Variants in DCDC1 observed in about 807,000 individuals in gnomAD.
DCDC1 encodes doublecortin domain-containing protein 1.
In DCDC1, 200 loss-of-function variants were observed where a neutral mutation model predicts 178.3. The ratio of observed to expected loss-of-function variants is 1.12; its 90% CI spans 1.00 to 1.26. The LOEUF is 1.26. Ranked by LOEUF, DCDC1 falls within the 50% of genes most tolerant of loss-of-function variation. The pLI, the probability that DCDC1 is intolerant of heterozygous loss-of-function variation, is 0.00. For synonymous variants in DCDC1, 690 were observed against 604.8 expected (o/e 1.14, Z -2.07); for missense variants, 1,983 against 1,749.2 (o/e 1.13, Z -2.38).
intron 18 of DCDC1, among the ~76,000 whole-genome samples, chr11:31,068,095 CAAAG>C (rs750422546): frequency 5.9e-5 from 9 of 151,784 alleles, no homozygotes; most frequent in Non-Finnish European, 1.2e-4. Flanking sequence ...TTTAAACCAG[CAAAG>C]AAAAAGAAGA....
chr11:31,077,448 T>G (rs1200330322), intron 18 of DCDC1, among the ~76,000 whole-genome samples: 1 of 152,154 alleles, frequency 6.6e-6, no homozygotes, highest in Non-Finnish European at 1.5e-5. Flanking sequence ...TATTAACATT[T>G]TATTAATTTA....
chr11:31,000,741 G>A (rs1951524579), intron 20 of DCDC1, among the ~76,000 whole-genome samples: 1 of 151,316 alleles, frequency 6.6e-6, no homozygotes, highest in Admixed American at 6.6e-5. Context: ...AAAAAAAAAA[G>A]CATGTCCAGG....
At chr11:31,236,289 C>T (rs1363666870) in intron 9 of DCDC1, among the ~76,000 whole-genome samples, 4 of 151,820 alleles carry the variant, frequency 2.6e-5, no homozygotes, top group South Asian at 2.1e-4. Flanking sequence ...TTGTCACAGT[C>T]GATCTCCACA....
intron 20 of DCDC1, among the ~76,000 whole-genome samples, chr11:31,036,295 C>T (rs1221686626): frequency 1.3e-5 from 2 of 152,160 alleles, no homozygotes; most frequent in Non-Finnish European, 2.9e-5. Flanking sequence ...AAACTGTTCA[C>T]CATATTCTGT....
intron 22 of DCDC1, among the ~76,000 whole-genome samples, chr11:30,926,021 T>C (rs184331602): frequency 4.6e-5 from 7 of 152,186 alleles, no homozygotes; most frequent in Admixed American, 2.6e-4. Context: ...CCTGTGGATA[T>C]TGAGATGATG....
intron 9 of DCDC1, among the ~76,000 whole-genome samples, chr11:31,209,070 T>C (rs1972196332): frequency 6.6e-6 from 1 of 152,182 alleles, no homozygotes; most frequent in Non-Finnish European, 1.5e-5. Flanking sequence ...AATAAATACA[T>C]GCCATTGAAC....
chr11:31,167,424 T>C (rs886726503), intron 9 of DCDC1, among the ~76,000 whole-genome samples: 65 of 152,300 alleles, frequency 4.3e-4, no homozygotes, highest in African/African-American at 1.5e-3. Flanking sequence ...AGTTCTTTTT[T>C]CCCTTGCCCT....
intron 17 of DCDC1, among the ~76,000 whole-genome samples, chr11:31,087,717 C>T (rs1448192087): frequency 4.6e-5 from 7 of 152,072 alleles, no homozygotes; most frequent in African/African-American, 1.7e-4. Flanking sequence ...TTTTCTTAAA[C>T]TTATTTAAAC....
chr11:31,073,875 T>A (rs1194835592), intron 18 of DCDC1, among the ~76,000 whole-genome samples: 1 of 152,150 alleles, frequency 6.6e-6, no homozygotes, highest in Non-Finnish European at 1.5e-5. Flanking sequence ...GAAGGAAATG[T>A]TATTATAACA....
chr11:31,245,462 G>T (rs1943487193), intron 8 of DCDC1, among the ~76,000 whole-genome samples: 1 of 151,638 alleles, frequency 6.6e-6, no homozygotes, highest in African/African-American at 2.4e-5. Flanking sequence ...AAAAAAATTT[G>T]ATCTGAATTT....
rs187851472 is a variant in DCDC1, at chr11:31,342,884, T to A, written c.-124-7320A>T. 4.3e-3 allele frequency among the ~76,000 whole-genome samples: 660 copies of A among 152,342 alleles called. 2 individuals carry two copies. The highest frequency in any genetic ancestry group is 7.7e-3 in the Non-Finnish European group (526 of 68,020). ...AAACAGAAATAGTTTTATTTTTTAC[T>A]TATGCACAATTATAATCCTAACTTT... On this transcript the variant is annotated intron_variant, in intron 1 of 38. Transcript: ENST00000684477.
intron 9 of DCDC1, among the ~76,000 whole-genome samples, chr11:31,170,300 C>T (rs1967050507): frequency 6.6e-6 from 1 of 152,016 alleles, no homozygotes; most frequent in Non-Finnish European, 1.5e-5. Context: ...AGTCAGTAGA[C>T]CGAAAAAAAG....
rs551645261 is a variant in DCDC1, at chr11:30,900,640, T to C, written c.4511-142A>G. 5.9e-5 allele frequency: 46 copies of C among 782,076 alleles called. No individual in the cohort carries two copies. The African/African-American group carries it at 7.5e-4, about 13-fold the overall frequency. The allele number at this position is 782,076 out of a possible 1,614,324, so 48.4% of individuals were successfully genotyped here. On this transcript the variant is annotated intron_variant, in intron 32 of 38. Transcript: ENST00000684477. ...AGGCAATGCCAAAATCAGAGACTAA[T>C]GCATAATTTTGGTCAGAAACTTCAT... is the stretch of plus-strand genomic sequence containing the variant.
chr11:31,047,449 A>G (rs1272728350), intron 20 of DCDC1, among the ~76,000 whole-genome samples: 2 of 152,172 alleles, frequency 1.3e-5, no homozygotes, highest in African/African-American at 4.8e-5. Context: ...TTTTCTGTTC[A>G]TTAGTTTTTT....
chr11:30,881,035 G>T, intron 37 of DCDC1, 123 bp downstream of exon 37: 1 of 1,113,948 alleles, frequency 9.0e-7, no homozygotes, highest in East Asian at 2.6e-5. Flanking sequence ...ATAACATGGA[G>T]TAGAAATGCT....
intron 16 of DCDC1, 75 bp downstream of exon 16, chr11:31,093,975 C>T (rs749787077): frequency 4.5e-5 from 33 of 727,746 alleles, no homozygotes; most frequent in Non-Finnish European, 8.1e-5. Flanking sequence ...TGCATGAGAG[C>T]ACCAGGTGCC....
intron 22 of DCDC1, among the ~76,000 whole-genome samples, chr11:30,927,622 A>T (rs1946667443): frequency 6.6e-6 from 1 of 152,158 alleles, no homozygotes; most frequent in African/African-American, 2.4e-5. Context: ...TCTTTCCAAT[A>T]TTCTATGTTG....
intron 20 of DCDC1, among the ~76,000 whole-genome samples, chr11:30,990,218 G>C (rs1341033062): frequency 5.3e-5 from 8 of 152,106 alleles, no homozygotes; most frequent in Admixed American, 2.0e-4. Flanking sequence ...GTGCATGCAA[G>C]GTAAAATGCA....
At chr11:31,356,470 C>T (rs531473469) in intron 1 of DCDC1, among the ~76,000 whole-genome samples, 147 of 151,708 alleles carry the variant, frequency 9.7e-4, no homozygotes, top group African/African-American at 3.0e-3. Flanking sequence ...ACTAAATGCC[C>T]ACAAGAGAAA....
Sources: allele counts gnomAD v4.1 joint callset (sites outside exome capture counted in the v4.1 genomes callset), GRCh38; gene constraint gnomAD v4.1.1; transcripts MANE v1.5; gene names NCBI Gene and HGNC (gene_info 2026-07-23, HGNC 2026-07-21).